The following CELF2 variants were observed in gnomAD, a reference collection of about 807,000 sequenced individuals.
CELF2 encodes CUG triplet repeat RNA-binding protein 2.
CELF2 carries 8 observed loss-of-function variants against 62.6 expected under a neutral mutation model. That is an observed-to-expected ratio of 0.13 (90% CI 0.07 to 0.23). CELF2 has a LOEUF of 0.23. Ranked by LOEUF, CELF2 falls within the 10% of genes least tolerant of loss-of-function variation. CELF2 has a pLI of 1.00. For missense variants in CELF2, 333 were observed against 671.0 expected (o/e 0.50, Z 5.56); for synonymous variants, 258 against 250.0 (o/e 1.03, Z -0.30).
At chr10:11,281,750 T>G (rs1395408914) in intron 8 of CELF2, among the ~76,000 whole-genome samples, 3 of 152,138 alleles carry the variant, frequency 2.0e-5, no homozygotes, top group African/African-American at 7.2e-5. Flanking sequence ...TCTCAAAAAA[T>G]ATATATGTAT....
At chr10:11,027,094 G>C (rs541897284) in intron 1 of CELF2, among the ~76,000 whole-genome samples, 1 of 152,106 alleles carries the variant, frequency 6.6e-6, no homozygotes. Flanking sequence ...ATCTTTGCTC[G>C]TGACTCCCAT....
At chr10:11,201,790 C>T (rs949474776) in intron 2 of CELF2, among the ~76,000 whole-genome samples, 9 of 152,222 alleles carry the variant, frequency 5.9e-5, no homozygotes, top group Non-Finnish European at 1.2e-4. Flanking sequence ...CATGGCTTGG[C>T]TCCAAGAATC....
the CELF2 span, among the ~76,000 whole-genome samples, chr10:10,759,370 C>T: frequency 4.4e-5 from 6 of 136,286 alleles, no homozygotes; most frequent in South Asian, 2.4e-4. Context: ...AGCACAGTGG[C>T]GTGATCTTGG....
chr10:10,651,629 A>C, the CELF2 span, among the ~76,000 whole-genome samples: 8 of 147,898 alleles, frequency 5.4e-5, no homozygotes, highest in Non-Finnish European at 1.0e-4. Context: ...CTCACACGGC[A>C]GGGTATTCCA....
In CELF2 at chr10:10,893,583, C is replaced by T. The variant is rs558491879; in HGVS notation, c.54-26381C>T. 9.9e-5 allele frequency among the ~76,000 whole-genome samples: 15 copies of T among 152,170 alleles called. No homozygotes were observed. In the East Asian group the frequency reaches 1.4e-3, roughly 14 times the overall value. ...CATTGCTATAGAGAGATACCTGAGA[C>T]GGGGTAATTTATAAAGAAAAGTGGT... On this transcript the variant is annotated intron_variant, in intron 1 of 13. Coordinates refer to the CELF2 transcript ENST00000636488.
At chr10:10,463,468 A>G in the CELF2 span, among the ~76,000 whole-genome samples, 1 of 152,180 alleles carries the variant, frequency 6.6e-6, no homozygotes, top group Non-Finnish European at 1.5e-5. Flanking sequence ...ATATCCTACA[A>G]TCAACGAACT....
At chr10:10,969,793 G>A (rs1194364205) in intron 2 of CELF2, among the ~76,000 whole-genome samples, 1 of 152,222 alleles carries the variant, frequency 6.6e-6, no homozygotes, top group Non-Finnish European at 1.5e-5. Flanking sequence ...AAACGAAGGT[G>A]TTTATCCCTC....
At chr10:10,596,642 G>T in the CELF2 span, among the ~76,000 whole-genome samples, 2 of 152,220 alleles carry the variant, frequency 1.3e-5, no homozygotes, top group African/African-American at 4.8e-5. Context: ...TAAACAACTG[G>T]AAGTCTTCTG....
At chr10:11,236,351 T>A (rs2071280694) in intron 3 of CELF2, among the ~76,000 whole-genome samples, 1 of 152,220 alleles carries the variant, frequency 6.6e-6, no homozygotes, top group Admixed American at 6.5e-5. Context: ...CAAAGGAAAC[T>A]AGAGATTACT....
At chr10:10,994,499 G>A (rs2053749229) in intron 2 of CELF2, among the ~76,000 whole-genome samples, 1 of 152,216 alleles carries the variant, frequency 6.6e-6, no homozygotes, top group Non-Finnish European at 1.5e-5. Flanking sequence ...GTGAGTGGCA[G>A]GTGAGTCAGC....
intron 1 of CELF2, among the ~76,000 whole-genome samples, chr10:10,890,036 G>A (rs906434832): frequency 6.6e-6 from 1 of 152,142 alleles, no homozygotes; most frequent in Non-Finnish European, 1.5e-5. Context: ...AAACGATGGG[G>A]TCAGGGTCAC....
chr10:10,873,592 G>C (rs1385392871), intron 1 of CELF2, among the ~76,000 whole-genome samples: 1 of 152,136 alleles, frequency 6.6e-6, no homozygotes, highest in Non-Finnish European at 1.5e-5. Context: ...CTCCTACCAA[G>C]GCTCTCCTAT....
At chr10:10,516,252 C>G in the CELF2 span, among the ~76,000 whole-genome samples, 1 of 152,132 alleles carries the variant, frequency 6.6e-6, no homozygotes, top group Non-Finnish European at 1.5e-5. Context: ...AACAAAACAA[C>G]CAGAAGATTC....
At chr10:10,769,257 T>C in the CELF2 span, among the ~76,000 whole-genome samples, 8 of 152,156 alleles carry the variant, frequency 5.3e-5, no homozygotes, top group African/African-American at 1.9e-4. Flanking sequence ...CGCATCCAAG[T>C]TCTCCTGTCT....
chr10:10,691,275 C>T, the CELF2 span, among the ~76,000 whole-genome samples: 27 of 151,026 alleles, frequency 1.8e-4, no homozygotes, highest in African/African-American at 6.3e-4. Flanking sequence ...TTTGTTCTTG[C>T]GATAGTTTAC....
intron 1 of CELF2, among the ~76,000 whole-genome samples, chr10:11,085,194 A>G (rs1488549604): frequency 1.3e-5 from 2 of 152,256 alleles, no homozygotes; most frequent in Non-Finnish European, 2.9e-5. Context: ...GGTTTAGTAG[A>G]TACTGTCGTT....
At chr10:11,069,195 G>T (rs2140906053) in intron 1 of CELF2, among the ~76,000 whole-genome samples, 1 of 152,244 alleles carries the variant, frequency 6.6e-6, no homozygotes, top group South Asian at 2.1e-4. Context: ...AAGAAGTCAA[G>T]AAATGTTTTT....
intron 1 of CELF2, chr10:11,092,422 A>G (rs1010642079): frequency 2.6e-5 from 4 of 152,210 alleles, no homozygotes; most frequent in Non-Finnish European, 5.9e-5. Flanking sequence ...ATTTTCACCC[A>G]TTGCAAGGTT....
rs533777220 is a variant in CELF2, at chr10:11,092,008, A to G, written c.75-73478A>G. On this transcript the variant is annotated intron_variant, in intron 1 of 12. Transcript: ENST00000633077. ...CAATATCCTAGAACGTAATAAAACC[A>G]TAACCATTGGGATGATCATTTCAAC... Among the ~76,000 whole-genome samples the G allele has an allele frequency of 2.0e-5, 3 of 152,350 alleles. No homozygotes were observed. In the South Asian group the frequency reaches 6.2e-4, roughly 32 times the overall value.
Sources: allele counts gnomAD v4.1 joint callset (sites outside exome capture counted in the v4.1 genomes callset), GRCh38; gene constraint gnomAD v4.1.1; transcripts MANE v1.5; gene names NCBI Gene and HGNC (gene_info 2026-07-23, HGNC 2026-07-21).